CRMP1: variants seen among roughly 807,000 people sequenced by gnomAD.
The protein encoded by CRMP1 is collapsin response mediator protein 1, also known as dihydropyrimidinase-related protein 1.
A neutral mutation model predicts 68.3 loss-of-function variants in CRMP1; 19 were observed. That is an observed-to-expected ratio of 0.28 (90% CI 0.19 to 0.41). CRMP1 has a LOEUF of 0.41. Ranked by LOEUF, CRMP1 falls within the 10% of genes least tolerant of loss-of-function variation. CRMP1 has a pLI of 1.00. For missense variants in CRMP1, 791 were observed against 967.4 expected, an observed-to-expected ratio of 0.82 and a Z score of 2.42; for synonymous variants, 439 against 399.6, an observed-to-expected ratio of 1.10 and a Z score of -1.18.
rs1405917293 is a variant in CRMP1, at chr4:5,821,856, AAG to A, written c.1970-7_1970-6del. 6.4e-6 allele frequency: 10 copies of A among 1,566,050 alleles called. No individual in the cohort carries two copies. Among genetic ancestry groups the A allele is most frequent in the Admixed American group, 1.7e-5 (1 of 57,560 alleles). On this transcript the variant is annotated splice_region_variant and splice_polypyrimidine_tract_variant and intron_variant, in intron 13 of 13. Coordinates refer to ENST00000324989, the MANE Select transcript of CRMP1 (RefSeq NM_001014809.3). The surrounding 1 kb of genome is among the most constrained non-coding windows in gnomAD (Gnocchi z 4.4). ...TGTTGTCATCTATCTGGGCACCTGA[AAG>A]AGAGCGCCAATCGCTGCTGGATGGG...
rs1423153157 is a variant in CRMP1 at position 5,841,063 on chromosome 4, CATTAG to C, written c.1153+240_1153+244del. ...GACATGCTGAATTAATATGTGGATC[CATTAG>C]ATTAAACATAATATATTATTAAAAT... On this transcript the variant is annotated intron_variant, in intron 8 of 13. Transcript: ENST00000324989. This position sits in a 1 kb window ranked among gnomAD's most constrained non-coding sequence, Gnocchi z 6.9. Among the ~76,000 whole-genome samples, 13 of 152,270 alleles carry C rather than the reference CATTAG, an allele frequency of 8.5e-5. No homozygotes were observed. The highest frequency in any genetic ancestry group is 3.1e-4 in the African/African-American group (13 of 41,570).
In CRMP1 at chr4:5,843,090, T is replaced by C. The variant is rs775694093; in HGVS notation, c.1032+3A>G. On this transcript the variant is annotated splice_donor_region_variant and intron_variant, in intron 7 of 13. Coordinates refer to ENST00000324989, the MANE Select transcript of CRMP1 (RefSeq NM_001014809.3). This position sits in a 1 kb window ranked among gnomAD's most constrained non-coding sequence, Gnocchi z 4.1. ...AGTCATGCCCAAGTTGAGGAGTCCT[T>C]ACCTCTTCAGGTCTGCTCAGGGCAT... 1 of 1,613,770 alleles carries C rather than the reference T, an allele frequency of 6.2e-7. No individual in the cohort carries two copies. Among genetic ancestry groups the C allele is most frequent in the African/African-American group, 1.3e-5 (1 of 74,918 alleles).
Position 5,836,911 on chromosome 4 carries a change from C to G in CRMP1, c.1311-5G>C. 6.2e-7 allele frequency: 1 copy of G among 1,606,950 alleles called. No homozygotes were observed. Among genetic ancestry groups the G allele is most frequent in the Non-Finnish European group, 8.5e-7 (1 of 1,176,392 alleles). On this transcript the variant is annotated splice_region_variant and splice_polypyrimidine_tract_variant and intron_variant, in intron 9 of 13. Transcript: ENST00000324989. ...CCTGTGACCTGCAAGTCCCCACTGG[C>G]AAGGACAAAACAAGGTAGAGTTCAG...
At chr4:5,873,738 T>G (rs981199613) in intron 1 of CRMP1, among the ~76,000 whole-genome samples, 4 of 152,090 alleles carry the variant, frequency 2.6e-5, no homozygotes, top group Non-Finnish European at 5.9e-5. Context: ...CAGACCATAT[T>G]CCATGGGGAA....
rs970771166 is a variant in CRMP1, at chr4:5,825,630, G to A, written c.1833C>T (p.Gly611=). 2 of 1,610,832 alleles carry A rather than the reference G, an allele frequency of 1.2e-6. No individual in the cohort carries two copies. The highest frequency in any genetic ancestry group is 1.1e-5 in the South Asian group (1 of 90,446). ...KVFGLQGVSR[G]MYDGPVYEVP... ...CCTCGTACACAGGACCGTCATACAT[G>A]CCCCTGGAAACCCCTTGCAATCCAA... The change falls in exon 13 of 14, where the codon GGC becomes GGT. Residue 611 remains glycine, a synonymous_variant. Transcript: ENST00000324989. This position sits in a 1 kb window ranked among gnomAD's most constrained non-coding sequence, Gnocchi z 4.4.
At chr4:5,836,739 G>A (rs992274674) in intron 10 of CRMP1, 26 bp downstream of exon 10, 1 of 1,613,988 alleles carries the variant, frequency 6.2e-7, no homozygotes, top group East Asian at 2.2e-5. Context: ...TTTCTAGAAT[G>A]CTCCTGAGAA....
At position 5,838,736 on chromosome 4, in the gene CRMP1, G is replaced by A. The variant is rs1431117445; in HGVS notation, c.1310+786C>T. 6.6e-6 allele frequency among the ~76,000 whole-genome samples: 1 copy of A among 152,134 alleles called. No individual in the cohort carries two copies. The highest frequency in any genetic ancestry group is 1.5e-5 in the Non-Finnish European group (1 of 68,016). ...GTTTCTGTATCATCAGGGGGATGGTGATTTCCACGTGGGCGCACACCACTG... is the reference window on the plus strand; with the variant it reads ...GTTTCTGTATCATCAGGGGGATGGTAATTTCCACGTGGGCGCACACCACTG... On this transcript the variant is annotated intron_variant, in intron 9 of 13. Coordinates refer to ENST00000324989, the MANE Select transcript of CRMP1 (RefSeq NM_001014809.3). This position sits in a 1 kb window ranked among gnomAD's most constrained non-coding sequence, Gnocchi z 4.9.
In CRMP1 at chr4:5,865,990, G is replaced by C. The variant is rs1713969672; in HGVS notation, c.470+678C>G. ...TCAGGAAGAACCAACCCTGACGGCAGCTTGATCCGGGACTTCCAGCCTCCA... is the reference window on the plus strand; with the variant it reads ...TCAGGAAGAACCAACCCTGACGGCACCTTGATCCGGGACTTCCAGCCTCCA... On this transcript the variant is annotated intron_variant, in intron 2 of 13. Coordinates refer to ENST00000324989, the MANE Select transcript of CRMP1 (RefSeq NM_001014809.3). The surrounding 1 kb of genome is among the most constrained non-coding windows in gnomAD (Gnocchi z 4.1). Among the ~76,000 whole-genome samples the C allele has an allele frequency of 6.6e-6, 1 of 152,168 alleles. No homozygotes were observed.
intron 3 of CRMP1, among the ~76,000 whole-genome samples, chr4:5,857,502 A>G (rs918318821): frequency 2.0e-5 from 3 of 152,112 alleles, no homozygotes; most frequent in Non-Finnish European, 4.4e-5. Flanking sequence ...CATCACCACC[A>G]TTGTCATCAT....
chr4:5,824,063 G>A (rs985544302), intron 13 of CRMP1, among the ~76,000 whole-genome samples: 1 of 152,124 alleles, frequency 6.6e-6, no homozygotes, highest in African/African-American at 2.4e-5. Context: ...GGTGAGGAGG[G>A]GCCCTTCCAG....
Position 5,866,491 on chromosome 4 carries a change from G to A in CRMP1, c.470+177C>T, listed in dbSNP as rs1714009145. 6.6e-6 allele frequency among the ~76,000 whole-genome samples: 1 copy of A among 152,228 alleles called. No individual in the cohort carries two copies. Among genetic ancestry groups the A allele is most frequent in the Admixed American group, 6.5e-5 (1 of 15,288 alleles). ...TAGCCCGGGGGGGCACCCAAGAAATGCCAGCCCCTTCTCCACCCGCAGTGT... is the reference window on the plus strand; with the variant it reads ...TAGCCCGGGGGGGCACCCAAGAAATACCAGCCCCTTCTCCACCCGCAGTGT... On this transcript the variant is annotated intron_variant, in intron 2 of 13. Transcript: ENST00000324989. The surrounding 1 kb of genome is among the most constrained non-coding windows in gnomAD (Gnocchi z 5.9).
chr4:5,848,429 G>C (rs545791622), intron 6 of CRMP1, among the ~76,000 whole-genome samples: 10 of 152,204 alleles, frequency 6.6e-5, no homozygotes, highest in African/African-American at 2.4e-4. Context: ...TTGGCCTCAA[G>C]TGATCAGCCC....
rs1217234831 is a variant in CRMP1, at chr4:5,854,568, TAAACAGACA to T, written c.820+1566_820+1574del. Among the ~76,000 whole-genome samples, 1 of 152,054 alleles carries T rather than the reference TAAACAGACA, an allele frequency of 6.6e-6. No homozygotes were observed. The highest frequency in any genetic ancestry group is 2.4e-5 in the African/African-American group (1 of 41,388). ...TAATGCCTTCTTGATAGAAAGAGCT[TAAACAGACA>T]TATGAAAATGCAAATTGAAGAGTGG... On this transcript the variant is annotated intron_variant, in intron 4 of 13. Coordinates refer to ENST00000324989, the MANE Select transcript of CRMP1 (RefSeq NM_001014809.3). This position sits in a 1 kb window ranked among gnomAD's most constrained non-coding sequence, Gnocchi z 4.0.
rs764540850 is a variant in CRMP1, at chr4:5,821,750, G to A, written c.*10C>T. On this transcript the variant is annotated 3_prime_UTR_variant, in exon 14 of 14. Transcript: ENST00000324989. The surrounding 1 kb of genome is among the most constrained non-coding windows in gnomAD (Gnocchi z 4.4). ...GAATCCTTCAGGCTAGCTCCTCCGC[G>A]CATCCACGTTCAACCGAGGCTGGTG... is the stretch of plus-strand genomic sequence containing the variant. 27 of 1,602,358 alleles carry A rather than the reference G, an allele frequency of 1.7e-5. No individual in the cohort carries two copies. Among genetic ancestry groups the A allele is most frequent in the South Asian group, 5.6e-5 (5 of 89,190 alleles).
intron 6 of CRMP1, 63 bp downstream of exon 6, chr4:5,849,329 C>T (rs1216929850): frequency 7.2e-7 from 1 of 1,386,842 alleles, no homozygotes; most frequent in East Asian, 2.3e-5. Context: ...GCTCTTTTAT[C>T]AAACCTTTTG....
intron 8 of CRMP1, 115 bp from the exon 9 acceptor site, chr4:5,839,793 C>T (rs901405122): frequency 9.1e-6 from 11 of 1,206,844 alleles, no homozygotes; most frequent in East Asian, 2.6e-5. Flanking sequence ...AAGGCCAGAA[C>T]ACTGGCCACC....
chr4:5,824,852 T>A (rs1425509884), intron 13 of CRMP1: 8 of 985,308 alleles, frequency 8.1e-6, no homozygotes, highest in Non-Finnish European at 9.6e-6. Flanking sequence ...TGCCCTCATG[T>A]GGCCATCTCA....
In CRMP1 at chr4:5,883,526, C is replaced by G. The variant is rs964867543; in HGVS notation, c.381+9063G>C. 2.0e-5 allele frequency among the ~76,000 whole-genome samples: 3 copies of G among 152,172 alleles called. No individual in the cohort carries two copies. Among genetic ancestry groups the G allele is most frequent in the Non-Finnish European group, 4.4e-5 (3 of 68,046 alleles). ...ATGTTGGCCAGGCTGGTCTCAAACT[C>G]TTGACCTTAAGTGATCTGCCCACCT... On this transcript the variant is annotated intron_variant, in intron 1 of 13. Transcript: ENST00000324989. This position sits in a 1 kb window ranked among gnomAD's most constrained non-coding sequence, Gnocchi z 4.5.
At chr4:5,848,819 C>A (rs947555509) in intron 6 of CRMP1, among the ~76,000 whole-genome samples, 3 of 152,112 alleles carry the variant, frequency 2.0e-5, no homozygotes, top group African/African-American at 7.2e-5. Context: ...CCAGCTCAGG[C>A]CTCTCTTCTT....
Sources: gnomAD v4.1 joint callset for allele counts (sites outside exome capture counted in the v4.1 genomes callset) on GRCh38, gnomAD v4.1.1 for gene constraint, Gnocchi (gnomAD v3.1) non-coding constraint, MANE v1.5 for transcripts, NCBI Gene and HGNC (gene_info 2026-07-23, HGNC 2026-07-21) for gene names.